Variants in BRD10 observed in about 807,000 individuals in gnomAD.
The protein encoded by BRD10 is uncharacterized bromodomain-containing protein 10.
At chr9:5,999,540 T>G in the BRD10 span, among the ~76,000 whole-genome samples, 1 of 152,134 alleles carries the variant, frequency 6.6e-6, no homozygotes, top group African/African-American at 2.4e-5. Context: ...TGTAATTCCC[T>G]AGCTTAAAAT....
chr9:5,975,712 C>T, the BRD10 span, among the ~76,000 whole-genome samples: 1 of 152,010 alleles, frequency 6.6e-6, no homozygotes, highest in Non-Finnish European at 1.5e-5. Flanking sequence ...AGAAAACATA[C>T]TTCTATAGTA....
At chr9:5,980,293 T>C in the BRD10 span, among the ~76,000 whole-genome samples, 56 of 152,294 alleles carry the variant, frequency 3.7e-4, no homozygotes, top group South Asian at 8.3e-4. Context: ...AGACTGCCTG[T>C]TGTCCTATCA....
At chr9:5,891,434 G>T in the BRD10 span, 1 of 152,118 alleles carries the variant, frequency 6.6e-6, no homozygotes, top group Non-Finnish European at 1.5e-5. Flanking sequence ...TTTACAACTG[G>T]GAAGGGCAAA....
At chr9:5,933,337 A>G in the BRD10 span, among the ~76,000 whole-genome samples, 2 of 152,240 alleles carry the variant, frequency 1.3e-5, no homozygotes, top group Non-Finnish European at 2.9e-5. Flanking sequence ...GTCACTTTAT[A>G]AAGGGACAAG....
the BRD10 span, among the ~76,000 whole-genome samples, chr9:5,999,197 T>C: frequency 6.6e-6 from 1 of 152,038 alleles, no homozygotes; most frequent in Non-Finnish European, 1.5e-5. Flanking sequence ...ACATATTTTT[T>C]TCCCTGAGAA....
the BRD10 span, among the ~76,000 whole-genome samples, chr9:5,918,809 G>C: frequency 1.0e-5 from 1 of 98,190 alleles, no homozygotes; most frequent in Admixed American, 1.1e-4. Context: ...TGGGCAACAG[G>C]TGAGTCAAAA....
the BRD10 span, among the ~76,000 whole-genome samples, chr9:5,934,235 C>T: frequency 8.6e-5 from 13 of 151,960 alleles, no homozygotes; most frequent in Admixed American, 7.2e-4. Context: ...CTTTTATTTA[C>T]AAATATGTTG....
the BRD10 span, among the ~76,000 whole-genome samples, chr9:5,983,204 T>G: frequency 2.0e-5 from 3 of 152,134 alleles, no homozygotes; most frequent in Non-Finnish European, 4.4e-5. Context: ...AGCCACCACT[T>G]AGGGGCATTT....
At chr9:5,914,008 G>C in the BRD10 span, 1 of 452,750 alleles carries the variant, frequency 2.2e-6, no homozygotes, top group South Asian at 1.6e-5. Context: ...TTTCCCATGA[G>C]AAAAAATGCT....
the BRD10 span, chr9:5,968,134 G>C: frequency 3.2e-6 from 5 of 1,581,492 alleles, no homozygotes; most frequent in African/African-American, 5.4e-5. Context: ...TTCTCTGTAA[G>C]TTTTCATTCA....
At chr9:5,952,031 A>AT in the BRD10 span, among the ~76,000 whole-genome samples, 1 of 150,942 alleles carries the variant, frequency 6.6e-6, no homozygotes, top group African/African-American at 2.4e-5. Context: ...TTATTTATTT[A>AT]TTTATTTAGA....
At chr9:5,984,182 G>A in the BRD10 span, among the ~76,000 whole-genome samples, 1 of 152,060 alleles carries the variant, frequency 6.6e-6, no homozygotes, top group Admixed American at 6.6e-5. Context: ...CAGAATGTTG[G>A]GAAGGGTAAA....
chr9:5,927,506 T>C, the BRD10 span, among the ~76,000 whole-genome samples: 1 of 152,150 alleles, frequency 6.6e-6, no homozygotes, highest in Non-Finnish European at 1.5e-5. Context: ...ATAGCAAAAC[T>C]CCATGAAAGA....
chr9:6,005,850 A>C, the BRD10 span, among the ~76,000 whole-genome samples: 1 of 152,236 alleles, frequency 6.6e-6, no homozygotes, highest in Non-Finnish European at 1.5e-5. Context: ...CAAATATGTG[A>C]ATAATTATTC....
chr9:5,915,675 C>T, the BRD10 span, among the ~76,000 whole-genome samples: 11 of 152,332 alleles, frequency 7.2e-5, 1 homozygote, highest in South Asian at 2.3e-3. Flanking sequence ...CCACCTCTTA[C>T]ATGAAACCTT....
At chr9:5,901,879 G>T in the BRD10 span, among the ~76,000 whole-genome samples, 3 of 152,120 alleles carry the variant, frequency 2.0e-5, no homozygotes, top group Non-Finnish European at 4.4e-5. Flanking sequence ...TTTTGTCATG[G>T]TATGTAATTC....
At chr9:5,938,423 G>A in the BRD10 span, among the ~76,000 whole-genome samples, 1 of 152,104 alleles carries the variant, frequency 6.6e-6, no homozygotes, top group Non-Finnish European at 1.5e-5. Flanking sequence ...TCCAGCCTGG[G>A]TGACAGAGCA....
chr9:6,007,812 G>T, the BRD10 span: 1 of 1,445,976 alleles, frequency 6.9e-7, no homozygotes, highest in South Asian at 1.4e-5. Context: ...AGGCTGGGCG[G>T]TGTGGAACAG....
the BRD10 span, among the ~76,000 whole-genome samples, chr9:5,964,999 A>G: frequency 6.7e-6 from 1 of 148,382 alleles, no homozygotes; most frequent in Non-Finnish European, 1.5e-5. Context: ...TGGCACATGT[A>G]TACATATGTA....
Sources: gnomAD v4.1 joint callset for allele counts (sites outside exome capture counted in the v4.1 genomes callset) on GRCh38, gnomAD v4.1.1 for gene constraint, MANE v1.5 for transcripts, NCBI Gene and HGNC (gene_info 2026-07-23, HGNC 2026-07-21) for gene names.